The following TENM2 variants were observed in gnomAD, a reference collection of about 807,000 sequenced individuals.
The protein encoded by TENM2 is teneurin transmembrane protein 2, also known as teneurin-2.
In TENM2, 52 loss-of-function variants were observed where a neutral mutation model predicts 245.2. The ratio of observed to expected loss-of-function variants is 0.21; its 90% CI spans 0.17 to 0.27. The LOEUF is 0.27. Ranked by LOEUF, TENM2 falls within the 10% of genes least tolerant of loss-of-function variation. The probability of loss-of-function intolerance (pLI) is 1.00; values close to 1 mark genes in which losing one functional copy is unlikely to be tolerated. For synonymous variants in TENM2, 1,363 were observed against 1,438.9 expected (o/e 0.95, Z 1.19); for missense variants, 3,046 against 3,666.8 (o/e 0.83, Z 4.37).
chr5:167,576,365 A>C (rs1755423894), intron 2 of TENM2, among the ~76,000 whole-genome samples: 1 of 151,750 alleles, frequency 6.6e-6, no homozygotes, highest in African/African-American at 2.4e-5. Flanking sequence ...AAAGAAATGC[A>C]GTAGACTTAT....
At chr5:168,181,580 T>C (rs73377493) in intron 13 of TENM2, among the ~76,000 whole-genome samples, 4,705 of 151,840 alleles carry the variant, frequency 0.031, 241 homozygotes, top group African/African-American at 0.11. Context: ...GACTTGGAAG[T>C]CAGAGTCTGA....
intron 2 of TENM2, among the ~76,000 whole-genome samples, chr5:167,583,308 T>C (rs1775225366): frequency 6.6e-6 from 1 of 152,212 alleles, no homozygotes; most frequent in Non-Finnish European, 1.5e-5. Flanking sequence ...ATTCCCATAT[T>C]TGTTTACTTA....
chr5:167,156,478 T>A, the TENM2 span, among the ~76,000 whole-genome samples: 1 of 152,188 alleles, frequency 6.6e-6, no homozygotes, highest in Non-Finnish European at 1.5e-5. Flanking sequence ...AATGACCCCT[T>A]AAAGTTTCCC....
At chr5:167,424,785 C>G (rs1763714199) in intron 2 of TENM2, among the ~76,000 whole-genome samples, 2 of 152,040 alleles carry the variant, frequency 1.3e-5, no homozygotes, top group Admixed American at 1.3e-4. Flanking sequence ...AAGGTTTGTG[C>G]AGTTGTTAGC....
At chr5:168,016,013 C>T (rs1402580708) in intron 5 of TENM2, among the ~76,000 whole-genome samples, 1 of 152,176 alleles carries the variant, frequency 6.6e-6, no homozygotes, top group African/African-American at 2.4e-5. Context: ...ATATTCCCCT[C>T]CTTCTGCACT....
chr5:167,941,213 C>T (rs567967863), intron 3 of TENM2, among the ~76,000 whole-genome samples: 2 of 152,214 alleles, frequency 1.3e-5, no homozygotes, highest in Admixed American at 6.5e-5. Flanking sequence ...ACTTGAAAAC[C>T]TTGATTTTAT....
At chr5:167,335,108 G>A (rs750856738) in intron 1 of TENM2, among the ~76,000 whole-genome samples, 1 of 152,196 alleles carries the variant, frequency 6.6e-6, no homozygotes, top group Non-Finnish European at 1.5e-5. Context: ...TCATGGTTCT[G>A]TAGGCTGTAC....
At chr5:167,041,689 C>A in the TENM2 span, among the ~76,000 whole-genome samples, 1 of 152,150 alleles carries the variant, frequency 6.6e-6, no homozygotes, top group South Asian at 2.1e-4. Flanking sequence ...TATTTTGGTT[C>A]TTTTAAAAAA....
chr5:167,888,554 A>C (rs746107176), intron 3 of TENM2, among the ~76,000 whole-genome samples: 3 of 152,242 alleles, frequency 2.0e-5, no homozygotes, highest in Non-Finnish European at 4.4e-5. Context: ...AGAATGAAGA[A>C]GGCATTTCTG....
the TENM2 span, among the ~76,000 whole-genome samples, chr5:167,266,293 A>G: frequency 3.3e-5 from 5 of 152,338 alleles, no homozygotes; most frequent in African/African-American, 9.6e-5. Flanking sequence ...GAAGGGGGTG[A>G]ACACAGAAAG....
rs200410093 is a variant in TENM2 at position 167,465,451 on chromosome 5, A to G, written c.502+89978A>G. Among the ~76,000 whole-genome samples, 41 of 152,324 alleles carry G rather than the reference A, an allele frequency of 2.7e-4. No homozygotes were observed. In the East Asian group the frequency reaches 6.4e-3, roughly 24 times the overall value. ...TCTCCACCAAGCACCATGCTCTGCAATCTCCATGATCTCACTGGGACTCTC... is the reference window on the plus strand; with the variant it reads ...TCTCCACCAAGCACCATGCTCTGCAGTCTCCATGATCTCACTGGGACTCTC... On this transcript the variant is annotated intron_variant, in intron 2 of 28. Transcript: ENST00000518659.
chr5:168,162,283 A>G, intron 12 of TENM2, among the ~76,000 whole-genome samples: 1 of 152,186 alleles, frequency 6.6e-6, no homozygotes, highest in Non-Finnish European at 1.5e-5. Flanking sequence ...ATCCTGAGCT[A>G]TTGGCTGGAA....
intron 12 of TENM2, among the ~76,000 whole-genome samples, chr5:168,150,167 C>G (rs1434453980): frequency 8.0e-6 from 1 of 124,972 alleles, no homozygotes. Flanking sequence ...AAGACTTTGT[C>G]TCTTTCATTG....
chr5:167,697,390 C>T (rs1324107449), intron 2 of TENM2, among the ~76,000 whole-genome samples: 1 of 152,182 alleles, frequency 6.6e-6, no homozygotes, highest in African/African-American at 2.4e-5. Context: ...CGTATGCATC[C>T]TGTGTTCATT....
intron 3 of TENM2, among the ~76,000 whole-genome samples, chr5:167,897,007 A>C (rs1465183640): frequency 6.6e-6 from 1 of 152,216 alleles, no homozygotes; most frequent in Non-Finnish European, 1.5e-5. Context: ...AACCACCCGA[A>C]ATGAGCTTAA....
chr5:167,079,730 G>A, the TENM2 span, among the ~76,000 whole-genome samples: 1 of 152,048 alleles, frequency 6.6e-6, no homozygotes, highest in South Asian at 2.1e-4. Context: ...GTTTATCTTC[G>A]AACTTCTTGC....
intron 2 of TENM2, among the ~76,000 whole-genome samples, chr5:167,474,262 T>C (rs758816087): frequency 2.0e-5 from 3 of 152,282 alleles, no homozygotes; most frequent in Admixed American, 6.5e-5. Context: ...GTAACACAAA[T>C]TTAATGAGAT....
the TENM2 span, among the ~76,000 whole-genome samples, chr5:167,151,201 G>A: frequency 6.6e-6 from 1 of 152,156 alleles, no homozygotes; most frequent in African/African-American, 2.4e-5. Context: ...GCCAAGTGGA[G>A]ATCAATTAAA....
intron 23 of TENM2, among the ~76,000 whole-genome samples, chr5:168,222,024 A>G (rs1447511825): frequency 6.6e-6 from 1 of 152,228 alleles, no homozygotes; most frequent in African/African-American, 2.4e-5. Context: ...CTTGGCATAT[A>G]GAAGTTTAAC....
Sources: gnomAD v4.1 joint callset for allele counts (sites outside exome capture counted in the v4.1 genomes callset) on GRCh38, gnomAD v4.1.1 for gene constraint, MANE v1.5 for transcripts, NCBI Gene and HGNC (gene_info 2026-07-23, HGNC 2026-07-21) for gene names.